The following DDX5 variants were observed in gnomAD, a reference collection of about 807,000 sequenced individuals.
DDX5 encodes DEAD-box helicase 5.
In DDX5, 6 loss-of-function variants were observed where a neutral mutation model predicts 68.6. The ratio of observed to expected loss-of-function variants is 0.09; its 90% CI spans 0.05 to 0.17. DDX5 has a LOEUF of 0.17. Among genes scored for constraint, DDX5 ranks in the 10% least tolerant of loss-of-function variants. DDX5 has a pLI of 1.00. For synonymous variants in DDX5, 350 were observed against 247.0 expected, an observed-to-expected ratio of 1.42 and a Z score of -3.91; for missense variants, 499 against 756.1, an observed-to-expected ratio of 0.66 and a Z score of 3.99.
chr17:64,500,946 AG>A (rs2038283343), intron 11 of DDX5, 173 bp from the exon 12 acceptor site: 1 of 606,694 alleles, frequency 1.6e-6, no homozygotes, highest in Non-Finnish European at 2.9e-6. Context: ...GGTTGAAAAA[AG>A]AAAAAAAAGC....
Position 64,503,199 on chromosome 17 carries a change from C to G in DDX5, c.799G>C (p.Asp267His). 1 of 1,614,072 alleles carries G rather than the reference C, an allele frequency of 6.2e-7. No homozygotes were observed. Among genetic ancestry groups the G allele is most frequent in the Non-Finnish European group, 8.5e-7 (1 of 1,180,004 alleles). The change falls in exon 7 of 13, where the codon GAT becomes CAT. Residue 267 changes from aspartate to histidine, a missense_variant. This residue lies in a region of DDX5 where 141 missense variants were observed against 279.8 expected (regional missense o/e 0.50). Transcript: ENST00000225792. ...CAAAGGACACTTACTCTTATTTGAT[C>G]CACAATCTTCCTTATTTGGGGTTCA... ...GFEPQIRKIV[D>H]QIRPDRQTLM...
At position 64,503,999 on chromosome 17, in the gene DDX5, G is replaced by C; in HGVS notation, c.425C>G (p.Ser142Cys). ...LDMVGVAQTG[S>C]GKTLSYLLPA... ...CAAACTTACAGACAATGTTTTCCCA[G>C]ATCCAGTCTGTGCCACTCCAACCAT... is the stretch of plus-strand genomic sequence containing the variant. Residue 142 changes from serine (S) to cysteine (C), a missense_variant, in exon 4 of 13, where the codon TCT becomes TGT. Ser to Cys is a moderately radical substitution (Grantham distance 112). This residue lies in a region of DDX5 where 141 missense variants were observed against 279.8 expected (regional missense o/e 0.50). Coordinates refer to ENST00000225792, the MANE Select transcript of DDX5 (RefSeq NM_004396.5). 6.2e-7 allele frequency: 1 copy of C among 1,614,168 alleles called. No homozygotes were observed. Among genetic ancestry groups the C allele is most frequent in the Non-Finnish European group, 8.5e-7 (1 of 1,180,028 alleles).
At position 64,503,583 on chromosome 17, in the gene DDX5, G is replaced by T; in HGVS notation, c.508-12C>A. ...GCCAGCACCAAACACTAAGGAAAGA[G>T]AAACAGCTTTCAGCACAAACCTGGA... On this transcript the variant is annotated splice_polypyrimidine_tract_variant and intron_variant, in intron 5 of 12. Transcript: ENST00000225792. The T allele has an allele frequency of 1.2e-6, 2 of 1,612,776 alleles. No individual in the cohort carries two copies. Among genetic ancestry groups the T allele is most frequent in the Middle Eastern group, 3.3e-4 (2 of 6,062 alleles).
At chr17:64,505,789 T>C in intron 1 of DDX5, 1 of 1,536,116 alleles carries the variant, frequency 6.5e-7, no homozygotes, top group Non-Finnish European at 8.7e-7. Context: ...CCCGCTTTCA[T>C]CCGCACAATA....
chr17:64,506,502 T>G, upstream of DDX5: 1 of 844,162 alleles, frequency 1.2e-6, no homozygotes, highest in South Asian at 1.9e-5. Context: ...TTCTGCACTC[T>G]CTTGACCTCA....
chr17:64,505,912 C>A, intron 1 of DDX5, 164 bp downstream of exon 1: 1 of 1,534,356 alleles, frequency 6.5e-7, no homozygotes, highest in South Asian at 1.2e-5. Flanking sequence ...CTCTTCCAAT[C>A]ACTGTGACGT....
intron 12 of DDX5, 28 bp from the exon 13 acceptor site, chr17:64,500,354 C>T (rs1555670833): frequency 6.3e-7 from 1 of 1,584,500 alleles, no homozygotes; most frequent in Non-Finnish European, 8.6e-7. Flanking sequence ...GCAAATTGAT[C>T]AATTATGTCT....
rs533095951 is a variant in DDX5, at chr17:64,504,126, G to A, written c.308-10C>T. The stretch of plus-strand genomic sequence containing the variant: ...ACATCCATGACATTTGCTATAATTA[G>A]TAACAGATATTTAGTAAAAATTAGT... On this transcript the variant is annotated splice_polypyrimidine_tract_variant and intron_variant, in intron 3 of 12. Transcript: ENST00000225792. 6.2e-6 allele frequency: 10 copies of A among 1,613,950 alleles called. No homozygotes were observed. The highest frequency in any genetic ancestry group is 1.6e-4 in the Middle Eastern group (1 of 6,062).
chr17:64,505,804 C>T (rs2144285065), intron 1 of DDX5: 2 of 1,536,156 alleles, frequency 1.3e-6, no homozygotes, highest in Non-Finnish European at 1.7e-6. Flanking sequence ...ACAATACGCT[C>T]CCTCTCAACT....
chr17:64,506,020 A>AGGGCCCCCCCCCCCCCCCCCC, intron 1 of DDX5, 56 bp downstream of exon 1: 2 of 868,048 alleles, frequency 2.3e-6, no homozygotes, highest in East Asian at 4.4e-5. Context: ...CGCCACCCTG[A>AGGGCCCCCCCCCCCCCCCCCC]CCCGCCCTCC....
At position 64,498,818 on chromosome 17, in the gene DDX5, G is replaced by A. The variant is rs921228391; in HGVS notation, c.*1105C>T. ...AAGTTAAACCTAAAGCTATCCCCTG[G>A]ATCTTTCTAGCAATAAACCCATGTT... On this transcript the variant is annotated 3_prime_UTR_variant, in exon 13 of 13. Coordinates refer to ENST00000225792, the MANE Select transcript of DDX5 (RefSeq NM_004396.5). Among the ~76,000 whole-genome samples, 1 of 152,126 alleles carries A rather than the reference G, an allele frequency of 6.6e-6. No homozygotes were observed. The highest frequency in any genetic ancestry group is 2.4e-5 in the African/African-American group (1 of 41,426).
At chr17:64,505,884 G>C (rs986100351) in intron 1 of DDX5, 192 bp downstream of exon 1, 49 of 1,535,712 alleles carry the variant, frequency 3.2e-5, no homozygotes, top group Middle Eastern at 1.7e-4. Context: ...CAAGCTTGAA[G>C]ACACTACACC....
At chr17:64,502,623 G>T (rs896706310) in intron 8 of DDX5, 74 bp from the exon 9 acceptor site, 14 of 1,090,792 alleles carry the variant, frequency 1.3e-5, no homozygotes, top group Non-Finnish European at 1.8e-5. Flanking sequence ...TTTATGGTCA[G>T]CAAAACATTA....
In DDX5 at chr17:64,500,676, T is replaced by C; in HGVS notation, c.1314A>G (p.Thr438=). Residue 438 remains threonine, a synonymous_variant, in exon 12 of 13, where the codon ACA becomes ACG. Transcript: ENST00000225792. ...RIGRTARSTK[T]GTAYTFFTPN... is the part of the protein sequence containing the mutation. ...GTGTAAAGAAAGTGTATGCTGTGCCTGTTTTGGTACTGCGAGCAGTTCTTC... is the reference window on the plus strand; with the variant it reads ...GTGTAAAGAAAGTGTATGCTGTGCCCGTTTTGGTACTGCGAGCAGTTCTTC... 6.2e-6 allele frequency: 10 copies of C among 1,614,168 alleles called. No individual in the cohort carries two copies. The highest frequency in any genetic ancestry group is 1.1e-5 in the South Asian group (1 of 91,082).
At chr17:64,502,254 C>A (rs1555671229) in intron 9 of DDX5, 31 bp from the exon 10 acceptor site, 1 of 1,612,430 alleles carries the variant, frequency 6.2e-7, no homozygotes. Context: ...TGTTATTAAA[C>A]TCACATTGAA....
At chr17:64,502,713 A>G in intron 8 of DDX5, 164 bp from the exon 9 acceptor site, 1 of 718,222 alleles carries the variant, frequency 1.4e-6, no homozygotes, top group Non-Finnish European at 2.2e-6. Context: ...TTGGTCCTTA[A>G]GTCAACCAGG....
In DDX5 at chr17:64,506,216, G is replaced by T; in HGVS notation, c.-97C>A. The T allele has an allele frequency of 6.4e-7, 1 of 1,560,188 alleles. No homozygotes were observed. The highest frequency in any genetic ancestry group is 2.4e-5 in the East Asian group (1 of 42,148). ...TCGATGACGGCGAAGCCTTGCGGGG[G>T]CGGCAGCGGAGGAAGGACACCGATG... On this transcript the variant is annotated 5_prime_UTR_variant, in exon 1 of 13. Transcript: ENST00000225792.
At chr17:64,500,924 G>A (rs530991108) in intron 11 of DDX5, 151 bp from the exon 12 acceptor site, 4 of 622,902 alleles carry the variant, frequency 6.4e-6, no homozygotes, top group South Asian at 3.9e-5. Flanking sequence ...TTTCCTGTAG[G>A]AATACCATTG....
chr17:64,504,491 C>CA (rs2038376641), intron 2 of DDX5, 173 bp from the exon 3 acceptor site: 4 of 922,464 alleles, frequency 4.3e-6, no homozygotes, highest in Non-Finnish European at 6.4e-6. Context: ...TTGTTATACT[C>CA]AACCTAATTT....
Sources: allele counts gnomAD v4.1 joint callset (sites outside exome capture counted in the v4.1 genomes callset), GRCh38; gene constraint gnomAD v4.1.1; regional missense constraint gnomAD v4.1.1; transcripts MANE v1.5; gene names NCBI Gene and HGNC (gene_info 2026-07-23, HGNC 2026-07-21).